Variants in UBE2K observed in about 807,000 individuals in gnomAD.
The protein encoded by UBE2K is ubiquitin-conjugating enzyme E2 K.
Under a neutral mutation model 30.0 loss-of-function variants are expected in UBE2K, and 6 were observed. That is an observed-to-expected ratio of 0.20 (90% CI 0.11 to 0.39). The LOEUF is 0.39. Ranked by LOEUF, UBE2K falls within the 10% of genes least tolerant of loss-of-function variation. The probability of loss-of-function intolerance (pLI) is 1.00; values close to 1 mark genes in which losing one functional copy is unlikely to be tolerated. For missense variants in UBE2K, 61 were observed against 241.6 expected (o/e 0.25, Z 4.96); for synonymous variants, 86 against 83.7 (o/e 1.03, Z -0.15).
chr4:39,770,876 A>T, intron 4 of UBE2K: 1 of 1,542,766 alleles, frequency 6.5e-7, no homozygotes, highest in Admixed American at 2.0e-5. Flanking sequence ...CCAAGTCCTC[A>T]TCCAGTGGGA....
intron 1 of UBE2K, among the ~76,000 whole-genome samples, chr4:39,728,578 TCTTTC>T (rs200947480): frequency 0.011 from 1,698 of 152,142 alleles, 38 homozygotes; most frequent in African/African-American, 0.038. Flanking sequence ...CTTCCTTTCT[TCTTTC>T]CTTTCTTTCC....
In UBE2K at chr4:39,779,765, T is replaced by G. The variant is rs1713502599; in HGVS notation, c.*1331T>G. ...TATAGAAATACAATTCTTTTTAAAT[T>G]TTTAGGACCAATACAAAATAACAAA... On this transcript the variant is annotated 3_prime_UTR_variant, in exon 7 of 7. Transcript: ENST00000261427. 1 of 152,154 alleles carries G rather than the reference T, an allele frequency of 6.6e-6. No homozygotes were observed. The highest frequency in any genetic ancestry group is 2.1e-4 in the South Asian group (1 of 4,824). The allele number at this position is 152,154 out of a possible 1,614,324, so 9.4% of individuals were successfully genotyped here. A position where few individuals can be genotyped will look rare whatever the true frequency, so the allele number is the denominator to read the frequency against.
rs564074791 is a variant in UBE2K at position 39,711,088 on chromosome 4, C to CT, written c.63+12708dup. ...AATTTAAAAATAAAATACTTTTTTG[C>CT]TTTTTTTTTTAAAGTTTTTTTTAAA... is the stretch of plus-strand genomic sequence containing the variant. On this transcript the variant is annotated intron_variant, in intron 1 of 6. Coordinates refer to ENST00000261427, the MANE Select transcript of UBE2K (RefSeq NM_005339.5). Among the ~76,000 whole-genome samples, 57 of 127,502 alleles carry CT rather than the reference C, an allele frequency of 4.5e-4. 1 individual carries two copies. Among genetic ancestry groups the CT allele is most frequent in the African/African-American group, 9.6e-4 (33 of 34,370 alleles). 83.6% of individuals were successfully genotyped at this position (127,502 alleles called of 152,430 possible). A position where few individuals can be genotyped will look rare whatever the true frequency, so the allele number is the denominator to read the frequency against.
intron 1 of UBE2K, among the ~76,000 whole-genome samples, chr4:39,702,231 C>CTTTTTTT (rs564712672): frequency 2.7e-4 from 18 of 67,348 alleles, no homozygotes; most frequent in Admixed American, 5.1e-4. Flanking sequence ...CTTTTCTTTT[C>CTTTTTTT]TTTTTTTTTT....
chr4:39,734,637 C>G (rs1167412102), intron 1 of UBE2K, among the ~76,000 whole-genome samples: 1 of 151,976 alleles, frequency 6.6e-6, no homozygotes, highest in Non-Finnish European at 1.5e-5. Flanking sequence ...ATGGCAAAAC[C>G]CCCTCTCTAC....
intron 4 of UBE2K, chr4:39,770,890 C>A: frequency 6.5e-7 from 1 of 1,545,146 alleles, no homozygotes; most frequent in Non-Finnish European, 8.7e-7. Context: ...AGTGGGAACT[C>A]CAGCTTCACT....
chr4:39,706,699 A>G (rs1357247074), intron 1 of UBE2K, among the ~76,000 whole-genome samples: 2 of 151,362 alleles, frequency 1.3e-5, no homozygotes, highest in Non-Finnish European at 3.0e-5. Flanking sequence ...TCCCAAAGTG[A>G]TAAGATTACA....
intron 1 of UBE2K, among the ~76,000 whole-genome samples, chr4:39,717,456 C>G (rs12506764): frequency 0.51 from 76,995 of 151,884 alleles, 20,337 homozygotes; most frequent in East Asian, 0.64. Context: ...GTCTTGAACT[C>G]CTGACCTTGT....
chr4:39,706,582 C>T lies in UBE2K; in HGVS notation c.63+8192C>T, dbSNP rs983599941. On this transcript the variant is annotated intron_variant, in intron 1 of 6. Transcript: ENST00000261427. ...CCACCTCCCAGGTCAAGCGGTTCTC[C>T]TGCCTCAGCCTACCAAGTAGCTGGG... 6.2e-4 allele frequency among the ~76,000 whole-genome samples: 94 copies of T among 151,616 alleles called. 3 individuals are homozygous for T. The highest frequency in any genetic ancestry group is 5.3e-4 in the Admixed American group (8 of 15,206).
At chr4:39,716,380 T>A (rs1719062190) in intron 1 of UBE2K, among the ~76,000 whole-genome samples, 1 of 152,208 alleles carries the variant, frequency 6.6e-6, no homozygotes, top group African/African-American at 2.4e-5. Context: ...CCCAAGTAGC[T>A]GGCATTACAG....
intron 1 of UBE2K, among the ~76,000 whole-genome samples, chr4:39,720,228 T>C (rs1189242067): frequency 6.6e-6 from 1 of 152,184 alleles, no homozygotes; most frequent in Non-Finnish European, 1.5e-5. Context: ...TGGATTTCTG[T>C]TGCATGTAAG....
intron 1 of UBE2K, among the ~76,000 whole-genome samples, chr4:39,707,245 C>T (rs1718418004): frequency 6.6e-6 from 1 of 151,850 alleles, no homozygotes; most frequent in South Asian, 2.1e-4. Flanking sequence ...TGGAATCTCA[C>T]TCTCTCACCC....
At chr4:39,742,274 A>T (rs1032334589) in intron 2 of UBE2K, among the ~76,000 whole-genome samples, 67 of 152,266 alleles carry the variant, frequency 4.4e-4, no homozygotes, top group Non-Finnish European at 6.3e-4. Flanking sequence ...GGCATTTCTA[A>T]TTCTGGGTAT....
intron 1 of UBE2K, among the ~76,000 whole-genome samples, chr4:39,707,264 G>A (rs1485997446): frequency 1.3e-5 from 2 of 151,992 alleles, no homozygotes; most frequent in African/African-American, 4.8e-5. Context: ...CCAGGCTGGA[G>A]TGCGGTGACA....
chr4:39,769,397 C>T (rs566042806), intron 4 of UBE2K, among the ~76,000 whole-genome samples: 24 of 146,792 alleles, frequency 1.6e-4, no homozygotes, highest in African/African-American at 4.8e-4. Flanking sequence ...AGTGCCTTAC[C>T]CCCCCACCCC....
intron 3 of UBE2K, among the ~76,000 whole-genome samples, chr4:39,746,954 T>A (rs725857): frequency 0.13 from 19,597 of 152,118 alleles, 1,345 homozygotes; most frequent in East Asian, 0.22. Flanking sequence ...TATAGGTCTT[T>A]TACACCTATA....
Position 39,780,499 on chromosome 4 carries a change from T to C in UBE2K, c.*2065T>C, listed in dbSNP as rs1713547780. The C allele has an allele frequency of 6.6e-6, 1 of 152,136 alleles. No individual in the cohort carries two copies. Among genetic ancestry groups the C allele is most frequent in the Admixed American group, 6.5e-5 (1 of 15,268 alleles). 9.4% of individuals were successfully genotyped at this position (152,136 alleles called of 1,614,324 possible). A position where few individuals can be genotyped will look rare whatever the true frequency, so the allele number is the denominator to read the frequency against. On this transcript the variant is annotated 3_prime_UTR_variant, in exon 7 of 7. Coordinates refer to ENST00000261427, the MANE Select transcript of UBE2K (RefSeq NM_005339.5). Reference sequence around the variant, plus strand: ...TACATATATACATACATACATGCTCTTGGAGGCAGCTATATCCTGCTTTGA... The same window carrying C: ...TACATATATACATACATACATGCTCCTGGAGGCAGCTATATCCTGCTTTGA...
At chr4:39,759,264 G>A (rs1289675753) in intron 4 of UBE2K, among the ~76,000 whole-genome samples, 1 of 151,778 alleles carries the variant, frequency 6.6e-6, no homozygotes, top group African/African-American at 2.4e-5. Context: ...ACTTATTTTA[G>A]TATATTTGTT....
intron 1 of UBE2K, among the ~76,000 whole-genome samples, chr4:39,716,162 C>T (rs551832953): frequency 5.5e-4 from 84 of 152,326 alleles, no homozygotes; most frequent in African/African-American, 1.9e-3. Context: ...TCATCCTCCA[C>T]TTGTCTCTGG....
Sources: gnomAD v4.1 joint callset for allele counts (sites outside exome capture counted in the v4.1 genomes callset) on GRCh38, gnomAD v4.1.1 for gene constraint, MANE v1.5 for transcripts, NCBI Gene and HGNC (gene_info 2026-07-23, HGNC 2026-07-21) for gene names.